The following CELF4 variants were observed in gnomAD, a reference collection of about 807,000 sequenced individuals.
CELF4 encodes CUGBP Elav-like family member 4.
CELF4 carries 18 observed loss-of-function variants against 59.9 expected under a neutral mutation model. The ratio of observed to expected loss-of-function variants is 0.30; its 90% CI spans 0.21 to 0.45. CELF4 has a LOEUF of 0.45. Among genes scored for constraint, CELF4 ranks in the 20% least tolerant of loss-of-function variants. The pLI is 1.00. For missense variants in CELF4, 456 were observed against 689.0 expected, an observed-to-expected ratio of 0.66 and a Z score of 3.79; for synonymous variants, 261 against 267.1, an observed-to-expected ratio of 0.98 and a Z score of 0.22.
intron 1 of CELF4, among the ~76,000 whole-genome samples, chr18:37,512,678 T>G (rs746228448): frequency 4.0e-5 from 6 of 151,442 alleles, no homozygotes; most frequent in Non-Finnish European, 7.4e-5. Flanking sequence ...CCTCCTCTTC[T>G]TTCTTCTGTT....
intron 7 of CELF4, among the ~76,000 whole-genome samples, chr18:37,271,159 A>G (rs1221558814): frequency 2.0e-5 from 3 of 152,090 alleles, no homozygotes; most frequent in Non-Finnish European, 4.4e-5. Context: ...ACCTGCCCAA[A>G]TAAGATTTCT....
intron 2 of CELF4, among the ~76,000 whole-genome samples, chr18:37,335,888 G>A (rs2097756949): frequency 6.6e-6 from 1 of 152,058 alleles, no homozygotes. Flanking sequence ...CCAGCCCAAG[G>A]CCTGACACCC....
chr18:37,298,807 C>T (rs1382440098), intron 3 of CELF4, among the ~76,000 whole-genome samples: 3 of 152,104 alleles, frequency 2.0e-5, no homozygotes, highest in African/African-American at 7.2e-5. Flanking sequence ...CTACTCTCCC[C>T]TCACTCCCAG....
chr18:37,485,643 G>A, intron 1 of CELF4, 36 bp from the exon 2 acceptor site: 1 of 1,319,232 alleles, frequency 7.6e-7, no homozygotes, highest in Non-Finnish European at 9.8e-7. Context: ...AGGGTCAGTG[G>A]GGCGCCCCCG....
intron 2 of CELF4, among the ~76,000 whole-genome samples, chr18:37,482,762 A>G (rs1039565600): frequency 1.3e-5 from 2 of 152,062 alleles, no homozygotes; most frequent in Non-Finnish European, 2.9e-5. Context: ...GTATGACAGC[A>G]ATGGGATTAT....
intron 7 of CELF4, 28 bp downstream of exon 7, chr18:37,272,988 G>T: frequency 6.3e-7 from 1 of 1,592,562 alleles, no homozygotes; most frequent in South Asian, 1.1e-5. Context: ...CACCGGGCCA[G>T]ACCGCGTGTT....
chr18:37,437,028 A>AC (rs753254160), intron 2 of CELF4, among the ~76,000 whole-genome samples: 2 of 151,772 alleles, frequency 1.3e-5, no homozygotes, highest in African/African-American at 2.4e-5. Context: ...CCTCTCACTC[A>AC]CCCCCTCCCC....
At chr18:37,319,305 G>A (rs1288916451) in intron 3 of CELF4, among the ~76,000 whole-genome samples, 1 of 152,218 alleles carries the variant, frequency 6.6e-6, no homozygotes, top group Non-Finnish European at 1.5e-5. Flanking sequence ...CATGGGCTTC[G>A]CTCACGTGGG....
chr18:37,301,912 C>T (rs936422032), intron 3 of CELF4, among the ~76,000 whole-genome samples: 2 of 152,136 alleles, frequency 1.3e-5, no homozygotes, highest in Non-Finnish European at 1.5e-5. Flanking sequence ...CCATGCCACC[C>T]ACCTTTCCCC....
intron 3 of CELF4, among the ~76,000 whole-genome samples, chr18:37,303,755 G>A (rs1330362273): frequency 6.6e-6 from 1 of 152,174 alleles, no homozygotes; most frequent in Non-Finnish European, 1.5e-5. Context: ...TGGGCTTTGG[G>A]GGATTCACAG....
intron 2 of CELF4, among the ~76,000 whole-genome samples, chr18:37,376,278 C>T (rs2098967864): frequency 1.3e-5 from 2 of 152,160 alleles, no homozygotes; most frequent in South Asian, 4.1e-4. Context: ...CAACTACCTT[C>T]CTCTGGCTTC....
intron 2 of CELF4, among the ~76,000 whole-genome samples, chr18:37,353,438 G>A (rs979802249): frequency 1.3e-5 from 2 of 151,404 alleles, no homozygotes; most frequent in African/African-American, 2.4e-5. Context: ...CAGTGGATGT[G>A]GGGGAAGGGG....
At chr18:37,261,779 A>C (rs2074680958) in intron 10 of CELF4, among the ~76,000 whole-genome samples, 1 of 152,222 alleles carries the variant, frequency 6.6e-6, no homozygotes, top group East Asian at 1.9e-4. Context: ...TGTGGGGCAG[A>C]TGGCCTCTGG....
intron 3 of CELF4, among the ~76,000 whole-genome samples, chr18:37,299,603 C>T (rs536452954): frequency 9.4e-4 from 143 of 152,326 alleles, no homozygotes; most frequent in Non-Finnish European, 1.8e-3. Flanking sequence ...CTGTCTCCTG[C>T]GGCGTGAGCA....
intron 2 of CELF4, among the ~76,000 whole-genome samples, chr18:37,415,586 CT>C (rs2099520842): frequency 6.6e-6 from 1 of 152,156 alleles, no homozygotes; most frequent in Non-Finnish European, 1.5e-5. Context: ...TGGAAGTCTT[CT>C]TTTTTTAACT....
At chr18:37,421,413 C>T (rs1348622430) in intron 2 of CELF4, among the ~76,000 whole-genome samples, 1 of 152,216 alleles carries the variant, frequency 6.6e-6, no homozygotes, top group Non-Finnish European at 1.5e-5. Flanking sequence ...TCACTAACAC[C>T]CTGGGCTCCG....
chr18:37,460,762 A>C (rs755634513), intron 2 of CELF4, among the ~76,000 whole-genome samples: 3 of 152,192 alleles, frequency 2.0e-5, no homozygotes, highest in Non-Finnish European at 4.4e-5. Context: ...CCATTACTCA[A>C]CACTGGTTCC....
intron 2 of CELF4, among the ~76,000 whole-genome samples, chr18:37,357,027 G>C (rs1416672142): frequency 6.6e-6 from 1 of 152,276 alleles, no homozygotes; most frequent in Admixed American, 6.5e-5. Context: ...CCTGCCCCAG[G>C]TTCCACCACT....
intron 2 of CELF4, among the ~76,000 whole-genome samples, chr18:37,380,640 T>C (rs969150411): frequency 1.5e-5 from 2 of 129,786 alleles, no homozygotes; most frequent in African/African-American, 5.9e-5. Context: ...CATCCATTTA[T>C]CCATCCATCC....
Sources: gnomAD v4.1 joint callset for allele counts (sites outside exome capture counted in the v4.1 genomes callset) on GRCh38, gnomAD v4.1.1 for gene constraint, MANE v1.5 for transcripts, NCBI Gene and HGNC (gene_info 2026-07-23, HGNC 2026-07-21) for gene names.